GMDS: variants seen among roughly 807,000 people sequenced by gnomAD.
GMDS encodes GDP-mannose 4,6-dehydratase, also known as GDP-mannose 4,6 dehydratase.
In GMDS, 20 loss-of-function variants were observed where a neutral mutation model predicts 49.9. That is an observed-to-expected ratio of 0.40 (90% confidence interval 0.28 to 0.58). The LOEUF is 0.58. GMDS is among the 20% of genes least tolerant of loss of function. GMDS has a pLI of 0.42. For missense variants in GMDS, 362 were observed against 481.4 expected, an observed-to-expected ratio of 0.75 and a Z score of 2.32; for synonymous variants, 177 against 178.6, an observed-to-expected ratio of 0.99 and a Z score of 0.07.
chr6:2,103,947 T>C (rs1299668699), intron 4 of GMDS, among the ~76,000 whole-genome samples: 2 of 152,230 alleles, frequency 1.3e-5, no homozygotes, highest in Non-Finnish European at 2.9e-5. Context: ...TGAACCATAA[T>C]AGACTACAGT....
At chr6:2,218,795 G>C (rs1036866088) in intron 1 of GMDS, among the ~76,000 whole-genome samples, 2 of 152,160 alleles carry the variant, frequency 1.3e-5, no homozygotes, top group Admixed American at 1.3e-4. Flanking sequence ...TGAAATTAGA[G>C]TTAATTATCT....
intron 1 of GMDS, among the ~76,000 whole-genome samples, chr6:2,141,397 A>G (rs1033447918): frequency 1.3e-5 from 2 of 152,238 alleles, no homozygotes; most frequent in African/African-American, 4.8e-5. Flanking sequence ...GCACATGTAG[A>G]GCTGGAATAA....
intron 4 of GMDS, among the ~76,000 whole-genome samples, chr6:2,038,110 TA>T (rs1369189308): frequency 3.9e-5 from 6 of 152,070 alleles, no homozygotes; most frequent in African/African-American, 7.2e-5. Context: ...CCTTATAAAT[TA>T]AAGCCTGAAG....
intron 9 of GMDS, among the ~76,000 whole-genome samples, chr6:1,708,514 T>C (rs1447979820): frequency 6.6e-6 from 1 of 152,104 alleles, no homozygotes; most frequent in Non-Finnish European, 1.5e-5. Flanking sequence ...TCGAGTATGG[T>C]GTAGCTCCAA....
chr6:2,091,567 T>C (rs186644132), intron 4 of GMDS, among the ~76,000 whole-genome samples: 3 of 152,236 alleles, frequency 2.0e-5, no homozygotes, highest in Admixed American at 2.0e-4. Context: ...TAGTATAAGA[T>C]GCTTAATTCT....
intron 6 of GMDS, among the ~76,000 whole-genome samples, chr6:1,939,020 CTCTT>C (rs939077873): frequency 2.9e-5 from 4 of 136,206 alleles, no homozygotes; most frequent in East Asian, 2.5e-4. Flanking sequence ...CTCTCTCTCT[CTCTT>C]TCTTTTTTGG....
At chr6:1,638,562 G>A (rs972136641) in intron 9 of GMDS, among the ~76,000 whole-genome samples, 8 of 124,914 alleles carry the variant, frequency 6.4e-5, no homozygotes, top group African/African-American at 2.1e-4. Flanking sequence ...GACTTCCTCA[G>A]GCAGGACTGG....
At chr6:1,924,498 G>A (rs1761893547) in intron 7 of GMDS, among the ~76,000 whole-genome samples, 1 of 152,112 alleles carries the variant, frequency 6.6e-6, no homozygotes, top group Non-Finnish European at 1.5e-5. Context: ...CCTTTTTTGT[G>A]GGTGGTAAAA....
rs576927781 is a variant in GMDS at position 1,965,251 on chromosome 6, G to A, written c.346-4285C>T. On this transcript the variant is annotated intron_variant, in intron 4 of 10. Coordinates refer to ENST00000380815, the MANE Select transcript of GMDS (RefSeq NM_001500.4). ...CTAGATCCCTGAGGAATCGCCTAGA[G>A]CACATAACTCATGGAAAAGAATTAA... 3.3e-5 allele frequency among the ~76,000 whole-genome samples: 5 copies of A among 152,254 alleles called. No individual in the cohort carries two copies. In the South Asian group the frequency reaches 1.0e-3, roughly 32 times the overall value.
chr6:2,225,471 T>C (rs1561671338), intron 1 of GMDS, among the ~76,000 whole-genome samples: 1 of 152,334 alleles, frequency 6.6e-6, no homozygotes, highest in East Asian at 1.9e-4. Context: ...AATACCAAAC[T>C]GCTCCCTAAC....
intron 4 of GMDS, among the ~76,000 whole-genome samples, chr6:1,967,666 G>A (rs1020000037): frequency 6.6e-6 from 1 of 152,186 alleles, no homozygotes; most frequent in African/African-American, 2.4e-5. Flanking sequence ...AGGAAAATGC[G>A]CAAAGACACT....
In GMDS at chr6:1,930,250, GT is replaced by G; in HGVS notation, c.644-21del. Reference sequence around the variant, plus strand: ...TAGCTCCTAAAAAGAGGCAAAAGATGTAGTATCAGTCAAGTGCACTTGACAC... The same window carrying G: ...TAGCTCCTAAAAAGAGGCAAAAGATGAGTATCAGTCAAGTGCACTTGACAC... On this transcript the variant is annotated intron_variant, in intron 6 of 10. Coordinates refer to ENST00000380815, the MANE Select transcript of GMDS (RefSeq NM_001500.4). 1 of 1,608,626 alleles carries G rather than the reference GT, an allele frequency of 6.2e-7. No homozygotes were observed. Among genetic ancestry groups the G allele is most frequent in the African/African-American group, 1.3e-5 (1 of 75,012 alleles).
At chr6:1,841,460 T>C (rs951772639) in intron 7 of GMDS, among the ~76,000 whole-genome samples, 1 of 152,194 alleles carries the variant, frequency 6.6e-6, no homozygotes, top group African/African-American at 2.4e-5. Context: ...GATAACCAAA[T>C]GCTAACGTTT....
intron 4 of GMDS, among the ~76,000 whole-genome samples, chr6:2,028,168 T>C (rs1013351217): frequency 1.3e-5 from 2 of 152,228 alleles, no homozygotes; most frequent in African/African-American, 4.8e-5. Flanking sequence ...ATGAATACTT[T>C]TGTTCACACA....
intron 6 of GMDS, among the ~76,000 whole-genome samples, chr6:1,950,000 T>C (rs919522724): frequency 7.9e-5 from 12 of 152,264 alleles, no homozygotes; most frequent in African/African-American, 2.4e-4. Flanking sequence ...TTTGCCTGTT[T>C]GATACTTCTA....
chr6:1,976,465 G>A (rs1764909022), intron 4 of GMDS, among the ~76,000 whole-genome samples: 1 of 152,194 alleles, frequency 6.6e-6, no homozygotes, highest in South Asian at 2.1e-4. Flanking sequence ...GGAGCAGGGT[G>A]TTCCAATATC....
At chr6:1,992,643 TC>T (rs1434130291) in intron 4 of GMDS, among the ~76,000 whole-genome samples, 2 of 131,014 alleles carry the variant, frequency 1.5e-5, no homozygotes, top group Non-Finnish European at 3.2e-5. Flanking sequence ...CCACACTGCC[TC>T]CGCCCTAGCA....
intron 7 of GMDS, among the ~76,000 whole-genome samples, chr6:1,847,582 C>T (rs1757467638): frequency 6.6e-6 from 1 of 152,200 alleles, no homozygotes; most frequent in African/African-American, 2.4e-5. Context: ...CCAATACCAA[C>T]CAACACTTCA....
At chr6:1,978,176 C>T (rs560243278) in intron 4 of GMDS, among the ~76,000 whole-genome samples, 1 of 152,190 alleles carries the variant, frequency 6.6e-6, no homozygotes, top group East Asian at 1.9e-4. Context: ...AGGGTCCCAA[C>T]GAGGAAGGGT....
Sources: gnomAD v4.1 joint callset for allele counts (sites outside exome capture counted in the v4.1 genomes callset) on GRCh38, gnomAD v4.1.1 for gene constraint, MANE v1.5 for transcripts, NCBI Gene and HGNC (gene_info 2026-07-23, HGNC 2026-07-21) for gene names.